The following FER1L6 variants were observed in gnomAD, a reference collection of about 807,000 sequenced individuals.
The protein encoded by FER1L6 is fer-1-like protein 6.
In FER1L6, 177 loss-of-function variants were observed where a neutral mutation model predicts 219.2. That is an observed-to-expected ratio of 0.81 (90% CI 0.71 to 0.91). The LOEUF (loss-of-function observed/expected upper bound fraction) is 0.91, where lower values mean the gene tolerates loss of function less well. Ranked by LOEUF, FER1L6 falls within the 40% of genes least tolerant of loss-of-function variation. FER1L6 has a pLI of 0.00. For synonymous variants in FER1L6, 768 were observed against 824.3 expected (o/e 0.93, Z 1.17); for missense variants, 2,153 against 2,259.9 (o/e 0.95, Z 0.96).
intron 1 of FER1L6, among the ~76,000 whole-genome samples, chr8:123,879,203 TG>T (rs1417301396): frequency 6.6e-6 from 1 of 152,190 alleles, no homozygotes; most frequent in East Asian, 1.9e-4. Context: ...CTCCAGAGGC[TG>T]AAGCGGGAAG....
At chr8:123,923,430 T>G (rs985284248) in intron 1 of FER1L6, among the ~76,000 whole-genome samples, 4 of 152,236 alleles carry the variant, frequency 2.6e-5, no homozygotes, top group Non-Finnish European at 4.4e-5. Context: ...AACAGTTGAC[T>G]CTAAGCAACT....
chr8:124,106,880 A>G (rs946055867), intron 39 of FER1L6, among the ~76,000 whole-genome samples: 1 of 151,622 alleles, frequency 6.6e-6, no homozygotes, highest in African/African-American at 2.4e-5. Context: ...TCAAATATTT[A>G]TTGAATGAAT....
At chr8:124,046,878 G>A (rs1819762809) in intron 21 of FER1L6, 1 of 152,170 alleles carries the variant, frequency 6.6e-6, no homozygotes, top group Non-Finnish European at 1.5e-5. Context: ...GCCTGTACAG[G>A]TGGTGGAGGC....
In FER1L6 at chr8:124,040,026, C is replaced by T. The variant is rs767088926; in HGVS notation, c.2589+20C>T. On this transcript the variant is annotated intron_variant, in intron 20 of 40. Coordinates refer to ENST00000522917, the MANE Select transcript of FER1L6 (RefSeq NM_001039112.2). ...ACAAAGGTAACCAGGGTAACCAAGA[C>T]AGCCTGCTTCTTTCCTGCAGCCTGC... is the stretch of plus-strand genomic sequence containing the variant. 1.3e-4 allele frequency: 216 copies of T among 1,613,748 alleles called. No individual in the cohort carries two copies. The highest frequency in any genetic ancestry group is 1.7e-4 in the Non-Finnish European group (205 of 1,179,882).
intron 1 of FER1L6, among the ~76,000 whole-genome samples, chr8:123,945,552 C>G (rs764796802): frequency 6.6e-6 from 1 of 152,172 alleles, no homozygotes; most frequent in African/African-American, 2.4e-5. Context: ...TCAATGAAAA[C>G]TGAAGCAATA....
chr8:124,017,240 A>C (rs929083499), intron 15 of FER1L6, among the ~76,000 whole-genome samples: 2 of 152,202 alleles, frequency 1.3e-5, no homozygotes, highest in African/African-American at 4.8e-5. Context: ...TGGTGGGGAC[A>C]CATCTAGGTA....
At position 123,927,538 on chromosome 8, in the gene FER1L6, G is replaced by C. The variant is rs76117786; in HGVS notation, c.-7-28454G>C. On this transcript the variant is annotated intron_variant, in intron 1 of 40. Coordinates refer to ENST00000522917, the MANE Select transcript of FER1L6 (RefSeq NM_001039112.2). ...TCAGTTTTTGTTAAATTGGAATTTT[G>C]GCTTGTCAAATTTTGTAATAATTAT... 4.2e-3 allele frequency among the ~76,000 whole-genome samples: 639 copies of C among 152,202 alleles called. 6 individuals carry two copies. Among genetic ancestry groups the C allele is most frequent in the African/African-American group, 0.014 (595 of 41,528 alleles).
chr8:123,997,004 G>A (rs1447048658), intron 12 of FER1L6, among the ~76,000 whole-genome samples: 6 of 152,000 alleles, frequency 3.9e-5, no homozygotes, highest in South Asian at 2.1e-4. Context: ...TGATAGGTTC[G>A]TCTTTTAGTT....
intron 1 of FER1L6, among the ~76,000 whole-genome samples, chr8:123,877,666 A>G (rs1817026980): frequency 6.6e-6 from 1 of 151,316 alleles, no homozygotes; most frequent in South Asian, 2.1e-4. Flanking sequence ...TTGGATTAGC[A>G]TTTTTCCAAG....
chr8:123,857,738 T>A (rs1391867951), intron 1 of FER1L6, among the ~76,000 whole-genome samples: 2 of 152,160 alleles, frequency 1.3e-5, no homozygotes, highest in Non-Finnish European at 1.5e-5. Context: ...CTGTCCTCCA[T>A]GAGGCCCCTC....
intron 1 of FER1L6, among the ~76,000 whole-genome samples, chr8:123,877,270 T>G (rs1388125470): frequency 1.3e-5 from 2 of 152,278 alleles, no homozygotes; most frequent in Non-Finnish European, 2.9e-5. Context: ...GTGAGGCTTC[T>G]TTTTGTTCAC....
At chr8:123,910,634 A>G (rs1813034302) in intron 1 of FER1L6, among the ~76,000 whole-genome samples, 1 of 151,948 alleles carries the variant, frequency 6.6e-6, no homozygotes, top group African/African-American at 2.4e-5. Context: ...TTCACCTGAA[A>G]TAAACCTTCC....
intron 19 of FER1L6, among the ~76,000 whole-genome samples, chr8:124,037,655 G>A (rs765366942): frequency 6.6e-6 from 1 of 152,186 alleles, no homozygotes; most frequent in Non-Finnish European, 1.5e-5. Flanking sequence ...GGTCTGATAT[G>A]GTTGCTGTGT....
At chr8:123,979,532 C>T (rs182088388) in intron 10 of FER1L6, among the ~76,000 whole-genome samples, 38 of 152,280 alleles carry the variant, frequency 2.5e-4, no homozygotes, top group South Asian at 2.1e-4. Context: ...TGCCTGTCAT[C>T]GAGCTGTTGC....
chr8:123,865,344 A>G (rs1418060614), intron 1 of FER1L6, among the ~76,000 whole-genome samples: 1 of 149,678 alleles, frequency 6.7e-6, no homozygotes, highest in Admixed American at 6.6e-5. Context: ...CCGTTCTCAG[A>G]TCTCCAGCTG....
chr8:124,114,628 A>T (rs1397284149), intron 39 of FER1L6, among the ~76,000 whole-genome samples: 2 of 152,188 alleles, frequency 1.3e-5, no homozygotes, highest in South Asian at 4.1e-4. Flanking sequence ...AAAAATGACT[A>T]TGCTTTGTAC....
chr8:124,049,665 A>G lies in FER1L6; in HGVS notation c.2783A>G (p.Gln928Arg). The G allele has an allele frequency of 6.2e-7, 1 of 1,614,078 alleles. No individual in the cohort carries two copies. The highest frequency in any genetic ancestry group is 8.5e-7 in the Non-Finnish European group (1 of 1,180,012). The part of the protein sequence containing the change: ...VAAPVVKLAD[Q>R]DYEPPRLCYH... The stretch of plus-strand genomic sequence containing the variant: ...GCTCCTGTTGTGAAGCTGGCTGACC[A>G]GGACTATGAGCCCCCCAGGTTATGC... The change falls in exon 22 of 41, where the codon CAG becomes CGG. Residue 928 changes from glutamine (Q) to arginine (R), a missense_variant. Physicochemically the swap from Gln to Arg is conservative, Grantham distance 43. Coordinates refer to ENST00000522917, the MANE Select transcript of FER1L6 (RefSeq NM_001039112.2).
intron 1 of FER1L6, among the ~76,000 whole-genome samples, chr8:123,864,354 A>G (rs1816794156): frequency 6.7e-6 from 1 of 148,956 alleles, no homozygotes; most frequent in Non-Finnish European, 1.5e-5. Flanking sequence ...ATCCGCTGTT[A>G]GTCTGATGGG....
Position 124,120,051 on chromosome 8 carries a change from A to C in FER1L6, c.*261A>C. The C allele has an allele frequency of 2.8e-6, 1 of 358,768 alleles. No individual in the cohort carries two copies. The highest frequency in any genetic ancestry group is 5.0e-6 in the Non-Finnish European group (1 of 201,094). The allele number at this position is 358,768 out of a possible 1,614,324, so 22.2% of individuals were successfully genotyped here. A position where few individuals can be genotyped will look rare whatever the true frequency, so the allele number is the denominator to read the frequency against. On this transcript the variant is annotated 3_prime_UTR_variant, in exon 41 of 41. Transcript: ENST00000522917. ...TCATGGTAATCAACAATGACCTCAA[A>C]TTGACTTAGATCAATGTTTTCTTTA...
Sources: allele counts gnomAD v4.1 joint callset (sites outside exome capture counted in the v4.1 genomes callset), GRCh38; gene constraint gnomAD v4.1.1; transcripts MANE v1.5; gene names NCBI Gene and HGNC (gene_info 2026-07-23, HGNC 2026-07-21).